Variants in SNX8 observed in about 807,000 individuals in gnomAD.
SNX8 encodes sorting nexin-8.
A neutral mutation model predicts 51.6 loss-of-function variants in SNX8; 25 were observed. That is an observed-to-expected ratio of 0.48 (90% CI 0.35 to 0.68). SNX8 has a LOEUF of 0.68. Ranked by LOEUF, SNX8 falls within the 30% of genes least tolerant of loss-of-function variation. The pLI, the probability that SNX8 is intolerant of heterozygous loss-of-function variation, is 0.00. For synonymous variants in SNX8, 324 were observed against 277.0 expected (o/e 1.17, Z -1.68); for missense variants, 695 against 624.0 (o/e 1.11, Z -1.21).
At chr7:2,315,170 A>G (rs538764188), upstream of SNX8, among the ~76,000 whole-genome samples, 2 of 151,084 alleles carry the variant, frequency 1.3e-5, no homozygotes, top group South Asian at 4.2e-4. Flanking sequence ...TCATTCATCC[A>G]GCCACTCACT....
Position 2,254,675 on chromosome 7 carries a change from C to T in SNX8, c.*381G>A, listed in dbSNP as rs575339928. On this transcript the variant is annotated 3_prime_UTR_variant, in exon 11 of 11. Coordinates refer to ENST00000222990, the MANE Select transcript of SNX8 (RefSeq NM_013321.4). ...GCCCTGCCCTCTCTCCTCGGCTGAC[C>T]GAGCACCATGATGCTGCCCCTCCCG... 7 of 268,212 alleles carry T rather than the reference C, an allele frequency of 2.6e-5. No individual in the cohort carries two copies. The East Asian group carries it at 5.7e-4, about 22-fold the overall frequency. 16.6% of individuals were successfully genotyped at this position (268,212 alleles called of 1,614,324 possible).
At chr7:2,262,876 G>A (rs1374865427) in intron 7 of SNX8, among the ~76,000 whole-genome samples, 3 of 152,208 alleles carry the variant, frequency 2.0e-5, no homozygotes, top group Non-Finnish European at 4.4e-5. Flanking sequence ...CCAGCACTTT[G>A]GGAGGCCGAG....
chr7:2,328,660 A>G (rs1778671552), intron 1 of SNX8, among the ~76,000 whole-genome samples: 1 of 151,724 alleles, frequency 6.6e-6, no homozygotes, highest in South Asian at 2.1e-4. Flanking sequence ...TAAAAATACA[A>G]AAAATTGCAC....
At chr7:2,306,227 G>A (rs750940285) in intron 1 of SNX8, among the ~76,000 whole-genome samples, 10 of 151,926 alleles carry the variant, frequency 6.6e-5, no homozygotes, top group Admixed American at 3.9e-4. Context: ...CTGCAACCTC[G>A]AGCAATTCTC....
At chr7:2,305,118 C>A (rs553344202) in intron 1 of SNX8, among the ~76,000 whole-genome samples, 1 of 152,078 alleles carries the variant, frequency 6.6e-6, no homozygotes, top group Non-Finnish European at 1.5e-5. Context: ...AACAGAGCAC[C>A]GGGCTGAGCC....
intron 5 of SNX8, among the ~76,000 whole-genome samples, chr7:2,267,566 G>A (rs60576467): frequency 3.7e-5 from 5 of 135,930 alleles, no homozygotes; most frequent in Non-Finnish European, 7.9e-5. Flanking sequence ...CGCCAACCTC[G>A]GCCTCCCGAG....
chr7:2,336,105 GA>G (rs11430916), intron 1 of SNX8, among the ~76,000 whole-genome samples: 30 of 137,086 alleles, frequency 2.2e-4, no homozygotes, highest in Middle Eastern at 3.8e-3. Context: ...TCCATCTCGA[GA>G]AAAAAAAAAA....
chr7:2,265,076 C>T (rs759336526), intron 5 of SNX8, among the ~76,000 whole-genome samples: 3 of 152,188 alleles, frequency 2.0e-5, no homozygotes, highest in Admixed American at 6.5e-5. Context: ...ATAATCTTGC[C>T]GGGCGCAGTG....
At chr7:2,327,662 C>A (rs1191112412) in intron 1 of SNX8, among the ~76,000 whole-genome samples, 2 of 151,378 alleles carry the variant, frequency 1.3e-5, no homozygotes, top group Non-Finnish European at 3.0e-5. Context: ...CCGCCTCGGC[C>A]TCCCAAAGTG....
At chr7:2,258,904 G>A (rs141958010) in intron 7 of SNX8, among the ~76,000 whole-genome samples, 21 of 152,276 alleles carry the variant, frequency 1.4e-4, no homozygotes, top group Admixed American at 6.5e-4. Flanking sequence ...ACGGCAGAGG[G>A]ATGCCCTGCT....
At chr7:2,258,848 G>A (rs928725513) in intron 7 of SNX8, among the ~76,000 whole-genome samples, 1 of 152,308 alleles carries the variant, frequency 6.6e-6, no homozygotes, top group South Asian at 2.1e-4. Flanking sequence ...GGCAGTGAGT[G>A]CACAGCAAAC....
At chr7:2,350,261 GCT>G (rs1779111326) in intron 1 of SNX8, among the ~76,000 whole-genome samples, 1 of 152,146 alleles carries the variant, frequency 6.6e-6, no homozygotes, top group Admixed American at 6.6e-5. Flanking sequence ...AGACGTTGAG[GCT>G]CTCTTGATAG....
At chr7:2,316,475 A>G (rs896822324), upstream of SNX8, among the ~76,000 whole-genome samples, 5 of 149,122 alleles carry the variant, frequency 3.4e-5, no homozygotes, top group Non-Finnish European at 7.4e-5. Flanking sequence ...TCACCCACTC[A>G]CTCACTCACT....
chr7:2,305,294 C>T (rs756492258), intron 1 of SNX8, among the ~76,000 whole-genome samples: 8 of 152,198 alleles, frequency 5.3e-5, no homozygotes, highest in Non-Finnish European at 8.8e-5. Context: ...AATACCAAGG[C>T]AGTCAGTCCA....
At chr7:2,259,903 T>C (rs1795294094) in intron 7 of SNX8, among the ~76,000 whole-genome samples, 1 of 152,024 alleles carries the variant, frequency 6.6e-6, no homozygotes, top group Non-Finnish European at 1.5e-5. Context: ...ATGTTTTGGC[T>C]TCCCAGGGCC....
intron 1 of SNX8, among the ~76,000 whole-genome samples, chr7:2,337,894 T>C (rs1778859201): frequency 6.7e-6 from 1 of 148,776 alleles, no homozygotes; most frequent in Non-Finnish European, 1.5e-5. Flanking sequence ...AGAGCAACCA[T>C]TATATCAAAA....
intron 1 of SNX8, among the ~76,000 whole-genome samples, chr7:2,296,759 C>G (rs563753191): frequency 1.3e-4 from 20 of 151,726 alleles, no homozygotes; most frequent in Admixed American, 8.5e-4. Flanking sequence ...GGTTAAACCC[C>G]ATCTCTACAA....
intron 1 of SNX8, among the ~76,000 whole-genome samples, chr7:2,346,202 A>G (rs2115249654): frequency 6.6e-6 from 1 of 152,052 alleles, no homozygotes; most frequent in South Asian, 2.1e-4. Context: ...TCCTCTGAGG[A>G]ACAGAGGAGA....
chr7:2,309,470 G>A (rs1584729733), intron 1 of SNX8, among the ~76,000 whole-genome samples: 1 of 152,116 alleles, frequency 6.6e-6, no homozygotes. Flanking sequence ...GGTGGCTCAC[G>A]CCTGTAATCC....
Sources: allele counts gnomAD v4.1 joint callset (sites outside exome capture counted in the v4.1 genomes callset), GRCh38; gene constraint gnomAD v4.1.1; transcripts MANE v1.5; gene names NCBI Gene and HGNC (gene_info 2026-07-23, HGNC 2026-07-21).